Variants in SDC2 observed in about 807,000 individuals in gnomAD.
SDC2 encodes syndecan-2.
SDC2 carries 13 observed loss-of-function variants against 22.2 expected under a neutral mutation model. That is an observed-to-expected ratio of 0.59 (90% CI 0.38 to 0.93). SDC2 has a LOEUF of 0.93. Among genes scored for constraint, SDC2 ranks in the 40% least tolerant of loss-of-function variants. The probability of loss-of-function intolerance (pLI) is 0.00; values close to 1 mark genes in which losing one functional copy is unlikely to be tolerated. For synonymous variants in SDC2, 94 were observed against 92.8 expected (o/e 1.01, Z -0.07); for missense variants, 235 against 246.8 (o/e 0.95, Z 0.32).
At chr8:96,571,532 T>G (rs1000494973) in intron 1 of SDC2, among the ~76,000 whole-genome samples, 5 of 152,248 alleles carry the variant, frequency 3.3e-5, no homozygotes, top group African/African-American at 1.2e-4. Flanking sequence ...TTTATATGAT[T>G]CAGCCTAATC....
At chr8:96,508,105 G>C (rs1390085348) in intron 1 of SDC2, among the ~76,000 whole-genome samples, 1 of 152,142 alleles carries the variant, frequency 6.6e-6, no homozygotes, top group Admixed American at 6.5e-5. Context: ...GACCATCTTG[G>C]CTAACACAGT....
At chr8:96,500,330 G>A (rs1305660066) in intron 1 of SDC2, among the ~76,000 whole-genome samples, 3 of 152,064 alleles carry the variant, frequency 2.0e-5, no homozygotes, top group Non-Finnish European at 4.4e-5. Flanking sequence ...ATATTTTGGG[G>A]ATCTGGGGGC....
intron 1 of SDC2, among the ~76,000 whole-genome samples, chr8:96,510,167 A>G (rs1362286004): frequency 1.3e-5 from 2 of 152,188 alleles, no homozygotes; most frequent in Non-Finnish European, 2.9e-5. Context: ...GAACAGAAAA[A>G]TTGCATGTTT....
chr8:96,606,931 C>T (rs985470009), intron 3 of SDC2, among the ~76,000 whole-genome samples: 4 of 152,158 alleles, frequency 2.6e-5, no homozygotes, highest in East Asian at 1.9e-4. Context: ...GGACCAGTAG[C>T]GGTGGCCTGT....
intron 1 of SDC2, among the ~76,000 whole-genome samples, chr8:96,523,534 G>A (rs1368499179): frequency 1.3e-5 from 2 of 152,028 alleles, no homozygotes; most frequent in African/African-American, 2.4e-5. Flanking sequence ...TCTGTAAGCC[G>A]GATAAAAATA....
intron 1 of SDC2, among the ~76,000 whole-genome samples, chr8:96,511,331 G>T (rs1291030499): frequency 6.6e-6 from 1 of 152,060 alleles, no homozygotes; most frequent in Non-Finnish European, 1.5e-5. Context: ...CCCAAAATGA[G>T]GGTCCCAGAC....
At chr8:96,556,041 CACACACACACACACAT>C (rs1814104886) in intron 1 of SDC2, among the ~76,000 whole-genome samples, 1 of 139,648 alleles carries the variant, frequency 7.2e-6, no homozygotes, top group African/African-American at 3.1e-5. Context: ...ATATCACACA[CACACACACACACACAT>C]ACACACACAC....
intron 1 of SDC2, among the ~76,000 whole-genome samples, chr8:96,495,198 C>G (rs532963088): frequency 2.8e-4 from 42 of 152,324 alleles, no homozygotes; most frequent in African/African-American, 9.6e-4. Context: ...GGCTTCCCTC[C>G]CGCCACGCTC....
rs1814413401 is a variant in SDC2, at chr8:96,572,497, AG to A, written c.61-20981del. Among the ~76,000 whole-genome samples, 6 of 152,262 alleles carry A rather than the reference AG, an allele frequency of 3.9e-5. No homozygotes were observed. In the South Asian group the frequency reaches 1.2e-3, roughly 32 times the overall value. On this transcript the variant is annotated intron_variant, in intron 1 of 4. Transcript: ENST00000302190. ...GAGAGGTGCCTGCATTCGGTTCTCC[AG>A]GCTGGCCCAAGTTTAAAAGTTGACT...
chr8:96,551,871 C>G (rs1258440821), intron 1 of SDC2, among the ~76,000 whole-genome samples: 1 of 152,172 alleles, frequency 6.6e-6, no homozygotes, highest in Admixed American at 6.5e-5. Flanking sequence ...AGATAATCTC[C>G]ATCTTTCTCC....
At chr8:96,543,420 A>T (rs111829034) in intron 1 of SDC2, among the ~76,000 whole-genome samples, 1 of 152,232 alleles carries the variant, frequency 6.6e-6, no homozygotes, top group Non-Finnish European at 1.5e-5. Flanking sequence ...CACATTGGTA[A>T]TGAAGGAAAT....
intron 1 of SDC2, among the ~76,000 whole-genome samples, chr8:96,573,983 G>A (rs1478668589): frequency 6.6e-6 from 1 of 151,446 alleles, no homozygotes; most frequent in Non-Finnish European, 1.5e-5. Context: ...CTAAATGCCC[G>A]CATTCCGTGT....
chr8:96,522,589 GTGC>G (rs1268415326), intron 1 of SDC2, among the ~76,000 whole-genome samples: 1 of 152,162 alleles, frequency 6.6e-6, no homozygotes, highest in Non-Finnish European at 1.5e-5. Context: ...TCTCTGTACT[GTGC>G]TGATATCAGA....
chr8:96,571,835 G>A (rs757314758), intron 1 of SDC2, among the ~76,000 whole-genome samples: 1 of 152,134 alleles, frequency 6.6e-6, no homozygotes, highest in African/African-American at 2.4e-5. Flanking sequence ...GGTGGCTTTT[G>A]GAACCCAGAG....
chr8:96,547,403 C>T (rs1258175201), intron 1 of SDC2, among the ~76,000 whole-genome samples: 2 of 152,206 alleles, frequency 1.3e-5, no homozygotes, highest in East Asian at 1.9e-4. Flanking sequence ...GACTCAAGCT[C>T]ACCCATAAAC....
In SDC2 at chr8:96,585,853, G is replaced by GTTT. The variant is rs199970598; in HGVS notation, c.61-7604_61-7602dup. On this transcript the variant is annotated intron_variant, in intron 1 of 4. Coordinates refer to ENST00000302190, the MANE Select transcript of SDC2 (RefSeq NM_002998.4). ...GTGCCAAGTAATCCTCTGGCAAGAGGTTTTTTTTTTTTTTTTTTTTTTTTT... is the reference window on the plus strand; with the variant it reads ...GTGCCAAGTAATCCTCTGGCAAGAGGTTTTTTTTTTTTTTTTTTTTTTTTTTTT... Among the ~76,000 whole-genome samples, 98 of 145,416 alleles carry GTTT rather than the reference G, an allele frequency of 6.7e-4. 1 individual carries two copies. The highest frequency in any genetic ancestry group is 2.4e-3 in the African/African-American group (93 of 39,180).
intron 1 of SDC2, among the ~76,000 whole-genome samples, chr8:96,512,105 C>T (rs934044810): frequency 1.3e-5 from 2 of 152,156 alleles, no homozygotes; most frequent in Non-Finnish European, 2.9e-5. Context: ...CCTTTTAATG[C>T]CACAGCCTGG....
intron 3 of SDC2, among the ~76,000 whole-genome samples, chr8:96,605,764 T>C (rs950941292): frequency 6.6e-6 from 1 of 152,214 alleles, no homozygotes; most frequent in African/African-American, 2.4e-5. Flanking sequence ...AGCGTTCTGC[T>C]CACTGAGACA....
rs1335627204 is a variant in SDC2 at position 96,569,817 on chromosome 8, T to A, written c.61-23663T>A. Among the ~76,000 whole-genome samples, 4 of 152,280 alleles carry A rather than the reference T, an allele frequency of 2.6e-5. No homozygotes were observed. The East Asian group carries it at 7.7e-4, about 29-fold the overall frequency. ...CACTTTGCTCCCTGCTTCTGGCTCCTCCTGTACTGCTGGGAAATTTAGAGT... is the reference window on the plus strand; with the variant it reads ...CACTTTGCTCCCTGCTTCTGGCTCCACCTGTACTGCTGGGAAATTTAGAGT... On this transcript the variant is annotated intron_variant, in intron 1 of 4. Coordinates refer to ENST00000302190, the MANE Select transcript of SDC2 (RefSeq NM_002998.4).
Sources: gnomAD v4.1 joint callset for allele counts (sites outside exome capture counted in the v4.1 genomes callset) on GRCh38, gnomAD v4.1.1 for gene constraint, MANE v1.5 for transcripts, NCBI Gene and HGNC (gene_info 2026-07-23, HGNC 2026-07-21) for gene names.